The following KHDRBS1 variants were observed in gnomAD, a reference collection of about 807,000 sequenced individuals.
The protein encoded by KHDRBS1 is KH domain-containing, RNA-binding, signal transduction-associated protein 1.
In KHDRBS1, 7 loss-of-function variants were observed where a neutral mutation model predicts 48.4. The observed-to-expected ratio is 0.14, with a 90% CI of 0.08 to 0.27. The LOEUF is 0.27. Ranked by LOEUF, KHDRBS1 falls within the 10% of genes least tolerant of loss-of-function variation. The pLI is 1.00. For missense variants in KHDRBS1, 458 were observed against 601.2 expected, an observed-to-expected ratio of 0.76 and a Z score of 2.49; for synonymous variants, 241 against 235.8, an observed-to-expected ratio of 1.02 and a Z score of -0.20.
chr1:32,014,187 A>G lies in KHDRBS1; in HGVS notation c.192A>G (p.Pro64=). The change falls in exon 1 of 9, where the codon CCA becomes CCG. Residue 64 remains proline (P), a synonymous_variant. Transcript: ENST00000327300. The stretch of plus-strand genomic sequence containing the variant: ...GGGCCTCGCCCGCCACGCAGCCGCC[A>G]CCGCTGCTGCCGCCCTCGGCCACGG... ...GARASPATQP[P]PLLPPSATGP... The G allele has an allele frequency of 7.5e-7, 1 of 1,340,524 alleles. No individual in the cohort carries two copies. Among genetic ancestry groups the G allele is most frequent in the Non-Finnish European group, 9.6e-7 (1 of 1,041,586 alleles). The allele number at this position is 1,340,524 out of a possible 1,614,324, so 83.0% of individuals were successfully genotyped here.
rs1322279459 is a variant in KHDRBS1, at chr1:32,013,989, C to T, written c.-7C>T. On this transcript the variant is annotated 5_prime_UTR_variant, in exon 1 of 9. Transcript: ENST00000327300. ...TTTCTCGCTCCTTGGATCGCACATC[C>T]TCCCAGATGCAGCGCCGGGACGACC... 2.0e-6 allele frequency: 3 copies of T among 1,501,958 alleles called. No homozygotes were observed. The highest frequency in any genetic ancestry group is 2.5e-5 in the South Asian group (2 of 79,952). 93.0% of individuals were successfully genotyped at this position (1,501,958 alleles called of 1,614,324 possible).
intron 4 of KHDRBS1, among the ~76,000 whole-genome samples, chr1:32,034,528 C>T (rs575628964): frequency 3.5e-4 from 53 of 152,056 alleles, no homozygotes; most frequent in Middle Eastern, 3.4e-3. Flanking sequence ...CCATTGGACT[C>T]CAGCCTGGGC....
downstream of KHDRBS1, among the ~76,000 whole-genome samples, chr1:32,045,652 T>TG (rs1416940651): frequency 6.6e-6 from 1 of 152,210 alleles, no homozygotes; most frequent in African/African-American, 2.4e-5. Flanking sequence ...GTGTTCCACT[T>TG]GGAGTTCATT....
intron 6 of KHDRBS1, 97 bp downstream of exon 6, chr1:32,038,133 A>T (rs1639220102): frequency 1.3e-6 from 2 of 1,536,534 alleles, no homozygotes; most frequent in Non-Finnish European, 1.8e-6. Context: ...GGTGTCATGG[A>T]CTGCCTGTAA....
At chr1:32,014,462 C>T (rs956098847) in intron 1 of KHDRBS1, 85 bp downstream of exon 1, 10 of 1,222,292 alleles carry the variant, frequency 8.2e-6, no homozygotes, top group South Asian at 3.3e-5. Context: ...GCTTCCCGCC[C>T]CCTCGGGACC....
intron 1 of KHDRBS1, among the ~76,000 whole-genome samples, chr1:32,023,678 G>C (rs1052134518): frequency 6.6e-6 from 1 of 152,168 alleles, no homozygotes; most frequent in Non-Finnish European, 1.5e-5. Flanking sequence ...GCTCCTCCTT[G>C]ATTTTTTGTC....
chr1:32,045,674 A>G (rs1639348143), downstream of KHDRBS1, among the ~76,000 whole-genome samples: 1 of 152,218 alleles, frequency 6.6e-6, no homozygotes, highest in African/African-American at 2.4e-5. Context: ...GTTGCAAGCA[A>G]CAAAGTGGCT....
At chr1:32,047,576 G>A (rs1639371990), downstream of KHDRBS1, among the ~76,000 whole-genome samples, 1 of 152,120 alleles carries the variant, frequency 6.6e-6, no homozygotes, top group African/African-American at 2.4e-5. Flanking sequence ...AACCCTTTCA[G>A]TGCCTCATTT....
rs770711879 is a variant in KHDRBS1 at position 32,037,909 on chromosome 1, C to T, written c.980C>T (p.Ala327Val). 19 of 1,614,102 alleles carry T rather than the reference C, an allele frequency of 1.2e-5. No homozygotes were observed. The highest frequency in any genetic ancestry group is 9.3e-6 in the Non-Finnish European group (11 of 1,180,048). Reference sequence around the variant, plus strand: ...GTAAGGGGAGCCATCACCAGAGGTGCCACTGTGACTCGAGGCGTGCCACCC... The same window carrying T: ...GTAAGGGGAGCCATCACCAGAGGTGTCACTGTGACTCGAGGCGTGCCACCC... Reference protein sequence around the residue: ...TPVRGAITRGATVTRGVPPPP... With the variant: ...TPVRGAITRGVTVTRGVPPPP... Residue 327 changes from alanine (A) to valine (V), a missense_variant, in exon 6 of 9, where the codon GCC becomes GTC. This residue lies in a region of KHDRBS1 where 171 missense variants were observed against 228.7 expected (regional missense o/e 0.75). Coordinates refer to ENST00000327300, the MANE Select transcript of KHDRBS1 (RefSeq NM_006559.3).
chr1:32,027,003 C>T (rs977136768), intron 1 of KHDRBS1, among the ~76,000 whole-genome samples: 3 of 152,208 alleles, frequency 2.0e-5, no homozygotes, highest in African/African-American at 7.2e-5. Context: ...CCATGTTGAC[C>T]AAGCTGGTCT....
chr1:32,048,259 A>G (rs536439398), downstream of KHDRBS1, among the ~76,000 whole-genome samples: 6 of 152,286 alleles, frequency 3.9e-5, no homozygotes, highest in South Asian at 2.1e-4. Flanking sequence ...TGTAATCCCA[A>G]CACCTGGGGA....
At chr1:32,037,750 T>G in intron 5 of KHDRBS1, 85 bp from the exon 6 acceptor site, 1 of 1,479,320 alleles carries the variant, frequency 6.8e-7, no homozygotes, top group Non-Finnish European at 9.4e-7. Context: ...AAAATCTGCC[T>G]AATTCCAGAA....
Position 32,030,337 on chromosome 1 carries a change from A to G in KHDRBS1, c.422A>G (p.Asp141Gly). Residue 141 changes from aspartate to glycine, a missense_variant, in exon 2 of 9, where the codon GAT (aspartate) becomes GGT (glycine). Asp to Gly is a moderately conservative substitution (Grantham distance 94). Coordinates refer to ENST00000327300, the MANE Select transcript of KHDRBS1 (RefSeq NM_006559.3). Reference sequence around the variant, plus strand: ...CAGAAAGGAGACTCAAAAAAGGATGATGAGGAGAATTACTTGGATTTATTT... The same window carrying G: ...CAGAAAGGAGACTCAAAAAAGGATGGTGAGGAGAATTACTTGGATTTATTT... ...KIQKGDSKKD[D>G]EENYLDLFSH... The G allele has an allele frequency of 1.9e-6, 3 of 1,611,246 alleles. No individual in the cohort carries two copies. Among genetic ancestry groups the G allele is most frequent in the Non-Finnish European group, 2.5e-6 (3 of 1,178,038 alleles).
intron 1 of KHDRBS1, among the ~76,000 whole-genome samples, chr1:32,019,195 C>T (rs1301079596): frequency 1.3e-5 from 2 of 152,202 alleles, no homozygotes; most frequent in African/African-American, 4.8e-5. Flanking sequence ...AATGGTGTAC[C>T]TTGTTCACAA....
intron 1 of KHDRBS1, among the ~76,000 whole-genome samples, chr1:32,024,569 C>T (rs1289213677): frequency 1.3e-5 from 2 of 151,934 alleles, no homozygotes; most frequent in Non-Finnish European, 2.9e-5. Flanking sequence ...TCAAGCAATC[C>T]TCCCACCTCG....
At chr1:32,030,202 G>A in intron 1 of KHDRBS1, 96 bp from the exon 2 acceptor site, 1 of 931,820 alleles carries the variant, frequency 1.1e-6, no homozygotes, top group Non-Finnish European at 1.6e-6. Flanking sequence ...TGAACTATTT[G>A]GTTTCACTAT....
Position 32,037,954 on chromosome 1 carries a change from C to T in KHDRBS1, c.1025C>T (p.Ala342Val). 6.2e-7 allele frequency: 1 copy of T among 1,614,258 alleles called. No individual in the cohort carries two copies. Among genetic ancestry groups the T allele is most frequent in the South Asian group, 1.1e-5 (1 of 91,088 alleles). ...CCACCCCCACCTACTGTGAGGGGTG[C>T]TCCAGCACCAAGAGCACGGACAGCG... is the stretch of plus-strand genomic sequence containing the variant. The part of the protein sequence containing the change: ...GVPPPPTVRG[A>V]PAPRARTAGI... The change falls in exon 6 of 9, where the codon GCT becomes GTT. Residue 342 changes from alanine (A) to valine (V), a missense_variant. By Grantham distance (64) the Ala-to-Val change is moderately conservative. Transcript: ENST00000327300.
At chr1:32,034,253 G>C (rs758353544) in intron 4 of KHDRBS1, among the ~76,000 whole-genome samples, 1 of 152,186 alleles carries the variant, frequency 6.6e-6, no homozygotes, top group Non-Finnish European at 1.5e-5. Context: ...TGTGAAAATT[G>C]ATAGGGCAAA....
At position 32,037,045 on chromosome 1, in the gene KHDRBS1, T is replaced by TA. The variant is rs1639197697; in HGVS notation, c.905+7dup. On this transcript the variant is annotated splice_region_variant and intron_variant, in intron 5 of 8. Coordinates refer to ENST00000327300, the MANE Select transcript of KHDRBS1 (RefSeq NM_006559.3). ...ACCTCCTCCACCACCTGTTCCCAGG[T>TA]AAAAATAATGGAGACACCCAGAAAT... 6 of 1,612,578 alleles carry TA rather than the reference T, an allele frequency of 3.7e-6. No homozygotes were observed. The highest frequency in any genetic ancestry group is 4.2e-6 in the Non-Finnish European group (5 of 1,179,438).
Sources: gnomAD v4.1 joint callset for allele counts (sites outside exome capture counted in the v4.1 genomes callset) on GRCh38, gnomAD v4.1.1 for gene constraint, gnomAD v4.1.1 regional missense constraint, MANE v1.5 for transcripts, NCBI Gene and HGNC (gene_info 2026-07-23, HGNC 2026-07-21) for gene names.